Variants in NLRP4 observed in about 807,000 individuals in gnomAD.
The protein encoded by NLRP4 is NACHT, LRR and PYD domains-containing protein 4.
In NLRP4, 44 loss-of-function variants were observed where a neutral mutation model predicts 84.7. The ratio of observed to expected loss-of-function variants is 0.52; its 90% CI spans 0.41 to 0.67. The LOEUF (loss-of-function observed/expected upper bound fraction) is 0.67, where lower values mean the gene tolerates loss of function less well. Ranked by LOEUF, NLRP4 falls within the 30% of genes least tolerant of loss-of-function variation. The probability of loss-of-function intolerance (pLI) is 0.00; values close to 1 mark genes in which losing one functional copy is unlikely to be tolerated. For synonymous variants in NLRP4, 544 were observed against 476.4 expected (o/e 1.14, Z -1.85); for missense variants, 1,260 against 1,219.4 (o/e 1.03, Z -0.50).
intron 2 of NLRP4, among the ~76,000 whole-genome samples, chr19:55,856,779 T>G (rs564837098): frequency 3.3e-5 from 5 of 152,164 alleles, no homozygotes; most frequent in Admixed American, 6.5e-5. Flanking sequence ...CTCCCAAAGT[T>G]CTGGGATTAC....
chr19:55,875,374 G>A (rs1482304231), intron 7 of NLRP4, among the ~76,000 whole-genome samples: 1 of 152,110 alleles, frequency 6.6e-6, no homozygotes, highest in Non-Finnish European at 1.5e-5. Flanking sequence ...AAGCTTGCTT[G>A]AAACAATATA....
chr19:55,867,779 C>T lies in NLRP4; in HGVS notation c.2257C>T (p.Leu753=). The T allele has an allele frequency of 1.9e-6, 3 of 1,614,110 alleles. No individual in the cohort carries two copies. The highest frequency in any genetic ancestry group is 2.5e-6 in the Non-Finnish European group (3 of 1,179,952). The change falls in exon 6 of 10, where the codon CTG becomes TTG. Residue 753 remains leucine (L), a synonymous_variant. Coordinates refer to ENST00000301295, the MANE Select transcript of NLRP4 (RefSeq NM_134444.5). ...LAGLLTNNKK[L]TYLNVSCNQL... is the part of the protein sequence containing the mutation. ...TGGCCTTCTAACCAACAACAAGAAG[C>T]TGACGTATCTGAATGTATCCTGCAA...
At chr19:55,842,554 G>A (rs1185750995) in intron 1 of NLRP4, among the ~76,000 whole-genome samples, 1 of 151,432 alleles carries the variant, frequency 6.6e-6, no homozygotes, top group Non-Finnish European at 1.5e-5. Flanking sequence ...TTACGTGCCA[G>A]CTGTGATAAA....
At chr19:55,859,858 C>T (rs1278417739) in intron 3 of NLRP4, among the ~76,000 whole-genome samples, 3 of 120,956 alleles carry the variant, frequency 2.5e-5, no homozygotes, top group Middle Eastern at 8.5e-3. Context: ...GCCCGGGAGG[C>T]AGAGGTTGCA....
chr19:55,852,233 C>G lies in NLRP4; in HGVS notation c.153C>G (p.Ser51=), dbSNP rs779123094. The G allele has an allele frequency of 2.5e-6, 4 of 1,609,696 alleles. No homozygotes were observed. The highest frequency in any genetic ancestry group is 3.4e-6 in the Non-Finnish European group (4 of 1,178,812). Residue 51 remains serine, a synonymous_variant, in exon 2 of 10, where the codon TCC becomes TCG. Transcript: ENST00000301295. ...CCTGGACTGAGGTCAAAAAAGCATC[C>G]CGGGAAGAACTTGCAAACCTCTTGA... is the stretch of plus-strand genomic sequence containing the variant. ...QIPWTEVKKA[S]REELANLLIK... is the part of the protein sequence containing the mutation.
chr19:55,874,386 A>G (rs1181925443), intron 7 of NLRP4, among the ~76,000 whole-genome samples: 1 of 152,074 alleles, frequency 6.6e-6, no homozygotes, highest in Admixed American at 6.5e-5. Context: ...CTACATTCCA[A>G]GTGCTCAGTG....
At chr19:55,865,890 T>C (rs1984934883) in intron 5 of NLRP4, among the ~76,000 whole-genome samples, 1 of 152,208 alleles carries the variant, frequency 6.6e-6, no homozygotes, top group African/African-American at 2.4e-5. Context: ...ACTTTCTTAA[T>C]GGTGTCCTTT....
Position 55,850,825 on chromosome 19 carries a change from A to C in NLRP4, c.-65-1191A>C, listed in dbSNP as rs1226674003. Among the ~76,000 whole-genome samples the C allele has an allele frequency of 3.8e-5, 4 of 105,202 alleles. 2 individuals are homozygous for C. Among genetic ancestry groups the C allele is most frequent in the African/African-American group, 2.3e-4 (4 of 17,202 alleles). 69.0% of individuals were successfully genotyped at this position (105,202 alleles called of 152,430 possible). A position where few individuals can be genotyped will look rare whatever the true frequency, so the allele number is the denominator to read the frequency against. ...GTGTAATTTCCGAGGCTGCGGTGTAATGTCCGAGGCTGCGGTGTAATTTAC... is the reference window on the plus strand; with the variant it reads ...GTGTAATTTCCGAGGCTGCGGTGTACTGTCCGAGGCTGCGGTGTAATTTAC... On this transcript the variant is annotated intron_variant, in intron 1 of 9. Coordinates refer to ENST00000301295, the MANE Select transcript of NLRP4 (RefSeq NM_134444.5).
chr19:55,863,314 A>G (rs989316824), intron 5 of NLRP4, among the ~76,000 whole-genome samples: 7 of 152,186 alleles, frequency 4.6e-5, no homozygotes, highest in Admixed American at 1.3e-4. Context: ...CTATAAAGAC[A>G]TACCTGAGAC....
At chr19:55,850,829 C>A (rs1239634873) in intron 1 of NLRP4, among the ~76,000 whole-genome samples, 17 of 95,730 alleles carry the variant, frequency 1.8e-4, no homozygotes, top group South Asian at 9.5e-4. Flanking sequence ...GGTGTAATGT[C>A]CGAGGCTGCG....
intron 1 of NLRP4, among the ~76,000 whole-genome samples, chr19:55,847,162 G>A (rs1305194808): frequency 1.3e-5 from 2 of 151,914 alleles, no homozygotes; most frequent in Non-Finnish European, 2.9e-5. Flanking sequence ...TGAGGGGGGG[G>A]CAGCAACATT....
Position 55,878,836 on chromosome 19 carries a change from C to G in NLRP4, c.2739C>G (p.Leu913=), listed in dbSNP as rs139521551. ...CGLTSTCCKD[L]ASVLTCSKTL... ...TAACGAGCACCTGCTGTAAGGATCT[C>G]GCGTCTGTTCTCACCTGCAGTAAGA... The change falls in exon 9 of 10, where the codon CTC becomes CTG. Residue 913 remains leucine, a synonymous_variant. Coordinates refer to ENST00000301295, the MANE Select transcript of NLRP4 (RefSeq NM_134444.5). 5.8e-3 allele frequency: 9,305 copies of G among 1,613,638 alleles called. 31 individuals are homozygous for G. The highest frequency in any genetic ancestry group is 7.0e-3 in the Non-Finnish European group (8,231 of 1,179,714).
In NLRP4 at chr19:55,846,202, G is replaced by C. The variant is rs1458407116; in HGVS notation, c.-65-5814G>C. 2.0e-5 allele frequency among the ~76,000 whole-genome samples: 3 copies of C among 152,152 alleles called. No homozygotes were observed. In the South Asian group the frequency reaches 6.2e-4, roughly 31 times the overall value. On this transcript the variant is annotated intron_variant, in intron 1 of 9. Transcript: ENST00000301295. ...CCATCTTGAATTAATTTTTGTATAAGGTATAAGGAAGGGATCCAGTTTCAG... is the reference window on the plus strand; with the variant it reads ...CCATCTTGAATTAATTTTTGTATAACGTATAAGGAAGGGATCCAGTTTCAG...
chr19:55,877,176 G>T lies in NLRP4; in HGVS notation c.2696+10G>T. On this transcript the variant is annotated intron_variant, in intron 8 of 9. Coordinates refer to ENST00000301295, the MANE Select transcript of NLRP4 (RefSeq NM_134444.5). ...GCTTAGAGATTCTTGGGTGGGTATC[G>T]CCAAGCTCCTGGTTATGTTTTCATG... is the stretch of plus-strand genomic sequence containing the variant. 6.2e-7 allele frequency: 1 copy of T among 1,610,952 alleles called. No homozygotes were observed. The highest frequency in any genetic ancestry group is 8.5e-7 in the Non-Finnish European group (1 of 1,177,486).
intron 2 of NLRP4, chr19:55,857,325 A>ATGTGTGTG (rs35115500): frequency 0.047 from 12,896 of 271,870 alleles, 541 homozygotes; most frequent in African/African-American, 0.15. Flanking sequence ...GTAGCAATGA[A>ATGTGTGTG]TGTGTGTGTG....
Position 55,878,791 on chromosome 19 carries a change from C to T in NLRP4, c.2697-3C>T. 6.2e-7 allele frequency: 1 copy of T among 1,608,294 alleles called. No homozygotes were observed. Among genetic ancestry groups the T allele is most frequent in the Non-Finnish European group, 8.5e-7 (1 of 1,176,200 alleles). On this transcript the variant is annotated splice_region_variant and splice_polypyrimidine_tract_variant and intron_variant, in intron 8 of 9. Coordinates refer to ENST00000301295, the MANE Select transcript of NLRP4 (RefSeq NM_134444.5). ...CATCTTACCATGTGTCTTTTTATTG[C>T]AGGTTGGAAGAATGTGGGTTAACGA...
intron 5 of NLRP4, among the ~76,000 whole-genome samples, chr19:55,863,556 G>A (rs1191247099): frequency 6.6e-6 from 1 of 152,110 alleles, no homozygotes; most frequent in East Asian, 1.9e-4. Context: ...GGGGATGGTG[G>A]TAAATCACTA....
chr19:55,877,763 C>CTG (rs372730281), intron 8 of NLRP4, among the ~76,000 whole-genome samples: 28 of 152,118 alleles, frequency 1.8e-4, no homozygotes, highest in Non-Finnish European at 3.2e-4. Context: ...TCTCTTCCCT[C>CTG]TGTGTGTGTG....
At chr19:55,856,413 A>G (rs900156413) in intron 2 of NLRP4, among the ~76,000 whole-genome samples, 1 of 151,908 alleles carries the variant, frequency 6.6e-6, no homozygotes, top group African/African-American at 2.4e-5. Flanking sequence ...TTCCAGTGTC[A>G]TGAGAGTGAG....
Sources: allele counts gnomAD v4.1 joint callset (sites outside exome capture counted in the v4.1 genomes callset), GRCh38; gene constraint gnomAD v4.1.1; transcripts MANE v1.5; gene names NCBI Gene and HGNC (gene_info 2026-07-23, HGNC 2026-07-21).